Variants in AK7 observed in about 807,000 individuals in gnomAD.
AK7 encodes adenylate kinase 7, also known as ATP-AMP transphosphorylase 7.
A neutral mutation model predicts 96.6 loss-of-function variants in AK7; 78 were observed. The observed-to-expected ratio is 0.81, with a 90% CI of 0.67 to 0.97. The LOEUF is 0.97. Ranked by LOEUF, AK7 falls within the 50% of genes least tolerant of loss-of-function variation. The probability of loss-of-function intolerance (pLI) is 0.00; values close to 1 mark genes in which losing one functional copy is unlikely to be tolerated. For synonymous variants in AK7, 302 were observed against 317.2 expected (o/e 0.95, Z 0.51); for missense variants, 855 against 887.9 (o/e 0.96, Z 0.47).
chr14:96,487,200 C>G (rs1895818307), intron 17 of AK7, 144 bp downstream of exon 17: 1 of 781,956 alleles, frequency 1.3e-6, no homozygotes, highest in Admixed American at 2.9e-5. Flanking sequence ...ATAGTGAAAC[C>G]CCGTCTCTAC....
intron 12 of AK7, among the ~76,000 whole-genome samples, chr14:96,459,096 G>C (rs1449389969): frequency 6.6e-6 from 1 of 152,026 alleles, no homozygotes; most frequent in Non-Finnish European, 1.5e-5. Flanking sequence ...CCAGCACTTT[G>C]GGAAGCCAAG....
intron 5 of AK7, among the ~76,000 whole-genome samples, chr14:96,432,436 T>C (rs1247216304): frequency 6.6e-6 from 1 of 152,146 alleles, no homozygotes; most frequent in East Asian, 1.9e-4. Flanking sequence ...ATTATGATGT[T>C]AGCTGGTTAT....
chr14:96,483,495 T>A (rs895981609), intron 16 of AK7, among the ~76,000 whole-genome samples: 2 of 151,914 alleles, frequency 1.3e-5, no homozygotes, highest in Non-Finnish European at 2.9e-5. Context: ...AATCTTGGCT[T>A]ACTGCAACCT....
chr14:96,479,773 C>T (rs1895412606), intron 15 of AK7, among the ~76,000 whole-genome samples: 1 of 152,198 alleles, frequency 6.6e-6, no homozygotes, highest in South Asian at 2.1e-4. Context: ...GCACGTATTC[C>T]TCCTATGGGC....
intron 14 of AK7, among the ~76,000 whole-genome samples, chr14:96,477,155 T>A (rs192173286): frequency 1.3e-5 from 2 of 152,248 alleles, no homozygotes; most frequent in African/African-American, 4.8e-5. Flanking sequence ...ACACCTCTTG[T>A]ATGCAGAATG....
Position 96,430,923 on chromosome 14 carries a change from G to A in AK7, c.610-6912G>A, listed in dbSNP as rs558455447. On this transcript the variant is annotated intron_variant, in intron 5 of 17. Coordinates refer to ENST00000267584, the MANE Select transcript of AK7 (RefSeq NM_152327.5). ...GGTCCTGGACTATTTTTGGTTGGTA[G>A]ACTATTAATTATTGCCTCAATTTCA... Among the ~76,000 whole-genome samples, 80 of 152,232 alleles carry A rather than the reference G, an allele frequency of 5.3e-4. 1 individual carries two copies. The East Asian group carries it at 0.01, about 19-fold the overall frequency.
rs776957898 is a variant in AK7 at position 96,487,035 on chromosome 14, C to A, written c.2112C>A (p.Pro704=). 3 of 1,613,780 alleles carry A rather than the reference C, an allele frequency of 1.9e-6. No homozygotes were observed. The highest frequency in any genetic ancestry group is 2.5e-6 in the Non-Finnish European group (3 of 1,179,998). ...TGAATGAATGTTGCAACGTCCGACC[C>A]GAAGACCCTGTTGATTTTCTGGTAA... ...QGLNECCNVR[P]EDPVDFLAEY... The change falls in exon 17 of 18, where the codon CCC becomes CCA. Residue 704 remains proline, a synonymous_variant. Transcript: ENST00000267584.
chr14:96,424,112 C>A, intron 5 of AK7: 2 of 656,634 alleles, frequency 3.0e-6, no homozygotes, highest in South Asian at 1.5e-5. Flanking sequence ...GTGCTCCGCT[C>A]GTCCACCGCC....
Position 96,446,530 on chromosome 14 carries a change from G to C in AK7, c.793G>C (p.Val265Leu). The change falls in exon 8 of 18, where the codon GTC becomes CTC. Residue 265 changes from valine (V) to leucine (L), a missense_variant. Coordinates refer to ENST00000267584, the MANE Select transcript of AK7 (RefSeq NM_152327.5). Reference protein sequence around the residue: ...VLDLAGVIQNVIDHVPKPHYL... With the variant: ...VLDLAGVIQNLIDHVPKPHYL... ...GTGGGTCTGCAGAGTGATACAAAAC[G>C]TCATAGATCACGTGCCAAAGCCTCA... 6.2e-7 allele frequency: 1 copy of C among 1,614,044 alleles called. No homozygotes were observed. Among genetic ancestry groups the C allele is most frequent in the South Asian group, 1.1e-5 (1 of 91,080 alleles).
chr14:96,440,830 G>C (rs958896468), intron 6 of AK7, among the ~76,000 whole-genome samples: 1 of 152,168 alleles, frequency 6.6e-6, no homozygotes, highest in Non-Finnish European at 1.5e-5. Context: ...AAGGGAAAAG[G>C]GTAGATATTA....
Position 96,451,560 on chromosome 14 carries a change from G to C in AK7, c.1088G>C (p.Arg363Thr). The change falls in exon 10 of 18, where the codon AGA becomes ACA. Residue 363 changes from arginine (R) to threonine (T), a missense_variant. Coordinates refer to ENST00000267584, the MANE Select transcript of AK7 (RefSeq NM_152327.5). Reference sequence around the variant, plus strand: ...ATCCTCAAGGAGTACAAGCAAAGCAGAGGATTGATGGTAACTATCACTGTT... The same window carrying C: ...ATCCTCAAGGAGTACAAGCAAAGCACAGGATTGATGGTAACTATCACTGTT... ...NTILKEYKQS[R>T]GLMPIKICIL... 1 of 1,529,438 alleles carries C rather than the reference G, an allele frequency of 6.5e-7. No individual in the cohort carries two copies. The highest frequency in any genetic ancestry group is 8.8e-7 in the Non-Finnish European group (1 of 1,131,372). The allele number at this position is 1,529,438 out of a possible 1,614,324, so 94.7% of individuals were successfully genotyped here. A position where few individuals can be genotyped will look rare whatever the true frequency, so the allele number is the denominator to read the frequency against.
chr14:96,446,475 C>G, intron 7 of AK7, 42 bp from the exon 8 acceptor site: 1 of 1,564,284 alleles, frequency 6.4e-7, no homozygotes, highest in Non-Finnish European at 8.8e-7. Context: ...GCATCTCTTT[C>G]GCTTTTTCCC....
intron 5 of AK7, among the ~76,000 whole-genome samples, chr14:96,428,672 G>T (rs1435572311): frequency 6.6e-6 from 1 of 152,130 alleles, no homozygotes; most frequent in Admixed American, 6.5e-5. Flanking sequence ...GTGTGAGATG[G>T]TATCTCATTG....
chr14:96,455,925 G>A (rs1893873165), intron 10 of AK7, among the ~76,000 whole-genome samples: 1 of 151,936 alleles, frequency 6.6e-6, no homozygotes, highest in African/African-American at 2.4e-5. Context: ...AGCCTGCAGG[G>A]TCCAGAGACT....
intron 5 of AK7, among the ~76,000 whole-genome samples, chr14:96,435,024 G>T (rs1373574207): frequency 6.6e-6 from 1 of 152,158 alleles, no homozygotes; most frequent in Admixed American, 6.5e-5. Flanking sequence ...CTGGCCCAGG[G>T]CAGGTCCAGA....
chr14:96,419,111 G>C (rs1457488078), intron 4 of AK7, among the ~76,000 whole-genome samples: 1 of 152,198 alleles, frequency 6.6e-6, no homozygotes. Flanking sequence ...TGCACAGGCT[G>C]TGGGTTGTGG....
In AK7 at chr14:96,469,744, C is replaced by T. The variant is rs990795618; in HGVS notation, c.1358-1734C>T. Among the ~76,000 whole-genome samples the T allele has an allele frequency of 5.9e-5, 9 of 152,244 alleles. No homozygotes were observed. The South Asian group carries it at 8.3e-4, about 14-fold the overall frequency. ...TAAATTTCTGAAAGACAGTTATTTTCGGAACCTGCTACTGCCTAATGGATG... is the reference window on the plus strand; with the variant it reads ...TAAATTTCTGAAAGACAGTTATTTTTGGAACCTGCTACTGCCTAATGGATG... On this transcript the variant is annotated intron_variant, in intron 12 of 17. Transcript: ENST00000267584.
chr14:96,451,217 C>G (rs553015789), intron 9 of AK7, among the ~76,000 whole-genome samples: 1 of 152,114 alleles, frequency 6.6e-6, no homozygotes, highest in Non-Finnish European at 1.5e-5. Flanking sequence ...GAAGGTGGCC[C>G]GCCATCAGAG....
At chr14:96,480,549 C>T (rs2140174179) in intron 15 of AK7, among the ~76,000 whole-genome samples, 1 of 152,238 alleles carries the variant, frequency 6.6e-6, no homozygotes, top group Middle Eastern at 3.4e-3. Flanking sequence ...GTTGGACATG[C>T]TTTATATGTA....
Sources: gnomAD v4.1 joint callset for allele counts (sites outside exome capture counted in the v4.1 genomes callset) on GRCh38, gnomAD v4.1.1 for gene constraint, MANE v1.5 for transcripts, NCBI Gene and HGNC (gene_info 2026-07-23, HGNC 2026-07-21) for gene names.